SNRNP48: variants seen among roughly 807,000 people sequenced by gnomAD.
SNRNP48 encodes small nuclear ribonucleoprotein U11/U12 subunit 48.
Under a neutral mutation model 47.0 loss-of-function variants are expected in SNRNP48, and 43 were observed. The ratio of observed to expected loss-of-function variants is 0.92; its 90% confidence interval spans 0.72 to 1.18. SNRNP48 has a LOEUF of 1.18. SNRNP48 is among the 50% of genes most tolerant of loss of function. The probability of loss-of-function intolerance (pLI) is 0.00; values close to 1 mark genes in which losing one functional copy is unlikely to be tolerated. For synonymous variants in SNRNP48, 138 were observed against 144.0 expected (o/e 0.96, Z 0.30); for missense variants, 396 against 422.2 (o/e 0.94, Z 0.54).
At position 7,609,015 on chromosome 6, in the gene SNRNP48, T is replaced by C; in HGVS notation, c.*142T>C. On this transcript the variant is annotated 3_prime_UTR_variant, in exon 9 of 9. Transcript: ENST00000342415. ...ATTTTTTTTATGATCTGTTTAGTGC[T>C]TATTATTTTCCAGTAAATATGCTTC... 5.1e-6 allele frequency: 2 copies of C among 395,696 alleles called. No homozygotes were observed. The highest frequency in any genetic ancestry group is 1.1e-4 in the South Asian group (1 of 9,206). The allele number at this position is 395,696 out of a possible 1,614,324, so 24.5% of individuals were successfully genotyped here.
At chr6:7,591,804 G>T (rs180694669) in intron 1 of SNRNP48, among the ~76,000 whole-genome samples, 17 of 152,300 alleles carry the variant, frequency 1.1e-4, no homozygotes, top group Admixed American at 7.2e-4. Context: ...TTTGTCGAAG[G>T]ATACACTGCT....
At chr6:7,604,085 T>C (rs1477610306) in intron 6 of SNRNP48, among the ~76,000 whole-genome samples, 4 of 74,014 alleles carry the variant, frequency 5.4e-5, no homozygotes, top group Non-Finnish European at 9.9e-5. Flanking sequence ...TAAAGGAATG[T>C]CTGCTATTGA....
chr6:7,591,150 G>T (rs1759810090), intron 1 of SNRNP48, among the ~76,000 whole-genome samples: 1 of 152,316 alleles, frequency 6.6e-6, no homozygotes, highest in African/African-American at 2.4e-5. Context: ...GGTGTCAGGA[G>T]AGCTGGGAGT....
In SNRNP48 at chr6:7,610,029, C is replaced by T. The variant is rs952495397; in HGVS notation, c.*1156C>T. ...ACTGTAGTATGTACTTTGCCTTCTT[C>T]CTCTCTGCAGATTTTTGAGATTGAT... On this transcript the variant is annotated 3_prime_UTR_variant, in exon 9 of 9. Transcript: ENST00000342415. The T allele has an allele frequency of 6.6e-6, 1 of 152,174 alleles. No homozygotes were observed. Among genetic ancestry groups the T allele is most frequent in the Admixed American group, 6.5e-5 (1 of 15,280 alleles). 9.4% of individuals were successfully genotyped at this position (152,174 alleles called of 1,614,324 possible). A position where few individuals can be genotyped will look rare whatever the true frequency, so the allele number is the denominator to read the frequency against.
At chr6:7,605,534 A>G (rs1330977197) in intron 7 of SNRNP48, 48 bp downstream of exon 7, 2 of 1,507,388 alleles carry the variant, frequency 1.3e-6, no homozygotes, top group Non-Finnish European at 1.8e-6. Flanking sequence ...TTGATAACAG[A>G]TAACAATTAA....
At position 7,606,045 on chromosome 6, in the gene SNRNP48, G is replaced by T; in HGVS notation, c.821G>T (p.Arg274Leu). The T allele has an allele frequency of 6.3e-7, 1 of 1,595,948 alleles. No homozygotes were observed. The highest frequency in any genetic ancestry group is 1.1e-5 in the South Asian group (1 of 87,636). The stretch of plus-strand genomic sequence containing the variant: ...CTGTGTTTTAGGAATGAAGAAAGGC[G>T]ATCAGCTTCAGTAGATTCACGGCAG... Reference protein sequence around the residue: ...EDDAEKNEERRSASVDSRQSG... With the variant: ...EDDAEKNEERLSASVDSRQSG... Residue 274 changes from arginine to leucine, a missense_variant, in exon 8 of 9, where the codon CGA becomes CTA. By Grantham distance (102) the Arg-to-Leu change is moderately radical (BLOSUM62 -2). Coordinates refer to ENST00000342415, the MANE Select transcript of SNRNP48 (RefSeq NM_152551.4).
intron 4 of SNRNP48, chr6:7,599,803 A>G (rs781129705): frequency 5.7e-6 from 7 of 1,229,982 alleles, no homozygotes; most frequent in Middle Eastern, 2.6e-4. Flanking sequence ...TACCTGTCAC[A>G]TATTATAGTC....
intron 4 of SNRNP48, among the ~76,000 whole-genome samples, chr6:7,597,938 T>G (rs1243684290): frequency 6.7e-6 from 1 of 149,830 alleles, no homozygotes; most frequent in African/African-American, 2.5e-5. Flanking sequence ...CAATCTCTAC[T>G]CACTGCAAGC....
chr6:7,595,872 GGGTTAAAGAGT>G (rs1759895817), intron 4 of SNRNP48, among the ~76,000 whole-genome samples: 4 of 152,160 alleles, frequency 2.6e-5, no homozygotes, highest in Non-Finnish European at 5.9e-5. Flanking sequence ...CTTTAGAGCT[GGGTTAAAGAGT>G]TTCTCCCTGG....
intron 7 of SNRNP48, 126 bp from the exon 8 acceptor site, chr6:7,605,905 G>T (rs1760115862): frequency 4.0e-6 from 4 of 993,712 alleles, no homozygotes; most frequent in Non-Finnish European, 5.9e-6. Context: ...ATAAGATTGT[G>T]CATATTTAGA....
Position 7,606,022 on chromosome 6 carries a change from G to A in SNRNP48, c.807-9G>A, listed in dbSNP as rs2757597. 0.65 allele frequency: 1,035,807 copies of A among 1,588,256 alleles called. 340,157 individuals are homozygous for A. The highest frequency in any genetic ancestry group is 0.84 in the African/African-American group (61,220 of 73,076). On this transcript the variant is annotated splice_polypyrimidine_tract_variant and intron_variant, in intron 7 of 8. Coordinates refer to ENST00000342415, the MANE Select transcript of SNRNP48 (RefSeq NM_152551.4). ...CACAAACTGATTAACATTCTTTTCT[G>A]TGTTTTAGGAATGAAGAAAGGCGAT...
At position 7,590,265 on chromosome 6, in the gene SNRNP48, G is replaced by A. The variant is rs145562523; in HGVS notation, c.8G>A (p.Gly3Asp). The A allele has an allele frequency of 8.8e-4, 1,180 of 1,339,648 alleles. 2 individuals are homozygous for A. The highest frequency in any genetic ancestry group is 1.1e-3 in the Non-Finnish European group (1,095 of 1,035,558). The allele number at this position is 1,339,648 out of a possible 1,614,324, so 83.0% of individuals were successfully genotyped here. A position where few individuals can be genotyped will look rare whatever the true frequency, so the allele number is the denominator to read the frequency against. The change falls in exon 1 of 9, where the codon GGC becomes GAC. Residue 3 changes from glycine to aspartate, a missense_variant. Coordinates refer to ENST00000342415, the MANE Select transcript of SNRNP48 (RefSeq NM_152551.4). Reference sequence around the variant, plus strand: ...GGCGGGTGGGCTGCAGCTATGGAGGGCGAGCCTCCACCTGTGGAGGAGCGG... The same window carrying A: ...GGCGGGTGGGCTGCAGCTATGGAGGACGAGCCTCCACCTGTGGAGGAGCGG... MEGEPPPVEERRR... is the reference protein window; with the variant it reads MEDEPPPVEERRR...
At chr6:7,590,880 G>A (rs1759804572) in intron 1 of SNRNP48, among the ~76,000 whole-genome samples, 1 of 152,116 alleles carries the variant, frequency 6.6e-6, no homozygotes, top group Admixed American at 6.5e-5. Context: ...TGGGAGGCTG[G>A]GGTGGAAGGA....
Position 7,610,950 on chromosome 6 carries a change from G to A in SNRNP48, c.*2077G>A, listed in dbSNP as rs1303691140. On this transcript the variant is annotated 3_prime_UTR_variant, in exon 9 of 9. Coordinates refer to ENST00000342415, the MANE Select transcript of SNRNP48 (RefSeq NM_152551.4). ...TCTGTAATTTTAAATTTTGACAAAA[G>A]CATTTTCACAGCCCTGCCACATAAG... 6.6e-6 allele frequency: 1 copy of A among 152,224 alleles called. No individual in the cohort carries two copies. The highest frequency in any genetic ancestry group is 6.5e-5 in the Admixed American group (1 of 15,278). 9.4% of individuals were successfully genotyped at this position (152,224 alleles called of 1,614,324 possible).
intron 8 of SNRNP48, among the ~76,000 whole-genome samples, chr6:7,607,630 C>T (rs1340058265): frequency 1.1e-4 from 17 of 152,196 alleles, no homozygotes; most frequent in Admixed American, 1.1e-3. Context: ...AGCTGATCAT[C>T]TTTTCCATTT....
Position 7,605,291 on chromosome 6 carries a change from A to G in SNRNP48, c.718-107A>G, listed in dbSNP as rs1031220982. The G allele has an allele frequency of 5.3e-5, 45 of 843,942 alleles. No homozygotes were observed. In the African/African-American group the frequency reaches 6.0e-4, roughly 11 times the overall value. The allele number at this position is 843,942 out of a possible 1,614,324, so 52.3% of individuals were successfully genotyped here. ...CACAAGTCCCACAGTCAATTATGTC[A>G]TAGCACTTAGTAAATATTTGATTGT... On this transcript the variant is annotated intron_variant, in intron 6 of 8. Coordinates refer to ENST00000342415, the MANE Select transcript of SNRNP48 (RefSeq NM_152551.4).
chr6:7,593,652 A>G, intron 1 of SNRNP48, 82 bp from the exon 2 acceptor site: 1 of 876,202 alleles, frequency 1.1e-6, no homozygotes, highest in East Asian at 2.8e-5. Flanking sequence ...ACTGGTACAT[A>G]ATTAAATGGT....
intron 1 of SNRNP48, 82 bp downstream of exon 1, chr6:7,590,495 C>A: frequency 8.1e-7 from 1 of 1,232,690 alleles, no homozygotes; most frequent in Non-Finnish European, 1.0e-6. Flanking sequence ...GCACTGGCAG[C>A]CGCGGAGGGA....
chr6:7,602,745 G>GT lies in SNRNP48; in HGVS notation c.717+2dup. The GT allele has an allele frequency of 6.4e-7, 1 of 1,550,510 alleles. No homozygotes were observed. Among genetic ancestry groups the GT allele is most frequent in the Non-Finnish European group, 8.7e-7 (1 of 1,153,854 alleles). Reference sequence around the variant, plus strand: ...CATAACCAAGAAATCATATACTGAGGTAAGTTTTACATAATCTTTGTTGAT... The same window carrying GT: ...CATAACCAAGAAATCATATACTGAGGTTAAGTTTTACATAATCTTTGTTGAT... On this transcript the variant is annotated splice_donor_variant, in intron 6 of 8. Coordinates refer to ENST00000342415, the MANE Select transcript of SNRNP48 (RefSeq NM_152551.4). LOFTEE classifies it high-confidence loss of function.
Sources: gnomAD v4.1 joint callset for allele counts (sites outside exome capture counted in the v4.1 genomes callset) on GRCh38, gnomAD v4.1.1 for gene constraint, MANE v1.5 for transcripts, NCBI Gene and HGNC (gene_info 2026-07-23, HGNC 2026-07-21) for gene names.